SORBS2: variants seen among roughly 807,000 people sequenced by gnomAD.
SORBS2 encodes sorbin and SH3 domain containing 2.
A neutral mutation model predicts 97.7 loss-of-function variants in SORBS2; 46 were observed. The ratio of observed to expected loss-of-function variants is 0.47; its 90% CI spans 0.37 to 0.60. SORBS2 has a LOEUF of 0.60. Ranked by LOEUF, SORBS2 falls within the 20% of genes least tolerant of loss-of-function variation. SORBS2 has a pLI of 0.00. For missense variants in SORBS2, 1,316 were observed against 1,282.3 expected (o/e 1.03, Z -0.40); for synonymous variants, 476 against 473.4 (o/e 1.01, Z -0.07).
chr4:185,687,203 A>AT (rs2097981929), intron 2 of SORBS2, among the ~76,000 whole-genome samples: 2 of 152,058 alleles, frequency 1.3e-5, no homozygotes, highest in South Asian at 2.1e-4. Context: ...AATTTTTAAA[A>AT]TTTTTACAGG....
chr4:185,658,712 G>C (rs1290463597), upstream of SORBS2, among the ~76,000 whole-genome samples: 1 of 94,610 alleles, frequency 1.1e-5, no homozygotes, highest in Non-Finnish European at 2.0e-5. Context: ...TTTTTTTTGA[G>C]ATGGAGTCTC....
chr4:185,791,660 G>A (rs558311403), intron 1 of SORBS2, among the ~76,000 whole-genome samples: 1 of 151,896 alleles, frequency 6.6e-6, no homozygotes, highest in Admixed American at 6.6e-5. Context: ...TATTATAAAA[G>A]TGAGTGCTCA....
At chr4:185,695,701 G>A (rs927583171) in intron 2 of SORBS2, among the ~76,000 whole-genome samples, 1 of 152,156 alleles carries the variant, frequency 6.6e-6, no homozygotes, top group African/African-American at 2.4e-5. Flanking sequence ...GGTAAAATAA[G>A]AAGTATTCAT....
At chr4:185,913,266 C>A (rs1411750080) in intron 1 of SORBS2, among the ~76,000 whole-genome samples, 1 of 152,166 alleles carries the variant, frequency 6.6e-6, no homozygotes, top group African/African-American at 2.4e-5. Context: ...ATTAGCCTAT[C>A]TTTTTATGGA....
At position 185,620,086 on chromosome 4, in the gene SORBS2, T is replaced by C. The variant is rs144963020; in HGVS notation, c.2281A>G (p.Arg761Gly). Residue 761 changes from arginine (R) to glycine (G), a missense_variant, in exon 8 of 15, where the codon AGA becomes GGA. Transcript: ENST00000418609. Reference sequence around the variant, plus strand: ...ACCTCTTTTTCTGGAGTTCCTCTTCTTTCCCTTGGTGCACTTCTCCCCATG... The same window carrying C: ...ACCTCTTTTTCTGGAGTTCCTCTTCCTTCCCTTGGTGCACTTCTCCCCATG... 6.0e-5 allele frequency: 97 copies of C among 1,610,054 alleles called. 1 individual carries two copies. The highest frequency in any genetic ancestry group is 3.3e-4 in the Middle Eastern group (2 of 6,080).
At chr4:185,900,284 G>A (rs2099247038) in intron 1 of SORBS2, among the ~76,000 whole-genome samples, 1 of 152,210 alleles carries the variant, frequency 6.6e-6, no homozygotes, top group African/African-American at 2.4e-5. Flanking sequence ...CCTAACTTGT[G>A]AGAAATAATA....
intron 1 of SORBS2, among the ~76,000 whole-genome samples, chr4:185,890,845 T>C (rs1288064497): frequency 6.6e-6 from 1 of 152,212 alleles, no homozygotes; most frequent in Non-Finnish European, 1.5e-5. Context: ...GTTTTCTGCC[T>C]TGCTAGAAAA....
chr4:185,942,449 C>T (rs1008114863), intron 1 of SORBS2, among the ~76,000 whole-genome samples: 9 of 151,624 alleles, frequency 5.9e-5, no homozygotes, highest in South Asian at 2.1e-4. Context: ...CTCCCGGGTT[C>T]GAGTGATTCT....
chr4:185,878,402 G>A (rs1284626135), intron 1 of SORBS2, among the ~76,000 whole-genome samples: 5 of 152,026 alleles, frequency 3.3e-5, no homozygotes, highest in African/African-American at 4.8e-5. Context: ...CCACCTCTCC[G>A]CACTTCACCT....
chr4:185,645,395 GA>G (rs1359730825), intron 4 of SORBS2, among the ~76,000 whole-genome samples: 1 of 151,986 alleles, frequency 6.6e-6, no homozygotes, highest in Non-Finnish European at 1.5e-5. Flanking sequence ...GCAAATCAGT[GA>G]TTTTTTTTTT....
intron 2 of SORBS2, among the ~76,000 whole-genome samples, chr4:185,754,924 G>A (rs2098822039): frequency 6.6e-6 from 1 of 152,228 alleles, no homozygotes; most frequent in African/African-American, 2.4e-5. Context: ...TCCAACTGCA[G>A]AGGAGGCTGG....
chr4:185,755,618 G>C (rs1418614156), intron 2 of SORBS2, among the ~76,000 whole-genome samples: 1 of 152,280 alleles, frequency 6.6e-6, no homozygotes, highest in East Asian at 1.9e-4. Flanking sequence ...TTCTCATAGA[G>C]GTTGGAAGTA....
chr4:185,938,918 A>C (rs777350284), intron 1 of SORBS2, among the ~76,000 whole-genome samples: 2 of 152,142 alleles, frequency 1.3e-5, no homozygotes, highest in Admixed American at 6.5e-5. Context: ...AACAAAGAAA[A>C]AGGATGCAAA....
At position 185,684,958 on chromosome 4, in the gene SORBS2, G is replaced by A; in HGVS notation, c.-197-6136C>T. The stretch of plus-strand genomic sequence containing the variant: ...CATCCATGAGAAAGATGAACAGTTA[G>A]AATTAGTAATCATGGAATGCACCTG... On this transcript the variant is annotated intron_variant, in intron 2 of 20. Transcript: ENST00000284776. The surrounding 1 kb of genome is among the most constrained non-coding windows in gnomAD (Gnocchi z 4.2). 1.3e-6 allele frequency: 1 copy of A among 784,972 alleles called. No individual in the cohort carries two copies. The highest frequency in any genetic ancestry group is 2.7e-5 in the East Asian group (1 of 36,740). 48.6% of individuals were successfully genotyped at this position (784,972 alleles called of 1,614,324 possible).
intron 1 of SORBS2, among the ~76,000 whole-genome samples, chr4:185,912,131 A>T (rs1391248042): frequency 1.3e-5 from 2 of 152,148 alleles, no homozygotes; most frequent in African/African-American, 2.4e-5. Flanking sequence ...AAATAACCCT[A>T]AAAAACTCTT....
intron 2 of SORBS2, among the ~76,000 whole-genome samples, chr4:185,725,241 A>T (rs1387064784): frequency 4.6e-5 from 7 of 152,196 alleles, no homozygotes; most frequent in Non-Finnish European, 1.0e-4. Context: ...CATTAGTTAC[A>T]AAAGGATGGA....
At chr4:185,599,601 T>G (rs1378604384) in intron 12 of SORBS2, among the ~76,000 whole-genome samples, 1 of 152,108 alleles carries the variant, frequency 6.6e-6, no homozygotes, top group Non-Finnish European at 1.5e-5. Flanking sequence ...TGACCGGAAG[T>G]GTGTGAGTTC....
intron 4 of SORBS2, among the ~76,000 whole-genome samples, chr4:185,634,090 A>G (rs2153436986): frequency 6.6e-6 from 1 of 152,294 alleles, no homozygotes; most frequent in South Asian, 2.1e-4. Flanking sequence ...GAATTCAATA[A>G]CCCAGAATGT....
chr4:185,634,029 G>A (rs922507193), intron 4 of SORBS2, among the ~76,000 whole-genome samples: 7 of 152,060 alleles, frequency 4.6e-5, no homozygotes, highest in Non-Finnish European at 1.0e-4. Flanking sequence ...ATTTTCTTCA[G>A]ATTACATGCC....
Sources: gnomAD v4.1 joint callset for allele counts (sites outside exome capture counted in the v4.1 genomes callset) on GRCh38, gnomAD v4.1.1 for gene constraint, Gnocchi (gnomAD v3.1) non-coding constraint, MANE v1.5 for transcripts, NCBI Gene and HGNC (gene_info 2026-07-23, HGNC 2026-07-21) for gene names.